The following LAMB3 variants were observed in gnomAD, a reference collection of about 807,000 sequenced individuals.
LAMB3 encodes laminin subunit beta-3.
A neutral mutation model predicts 140.3 loss-of-function variants in LAMB3; 104 were observed. The observed-to-expected ratio is 0.74, with a 90% CI of 0.63 to 0.87. The LOEUF (loss-of-function observed/expected upper bound fraction) is 0.87, where lower values mean the gene tolerates loss of function less well. Ranked by LOEUF, LAMB3 falls within the 40% of genes least tolerant of loss-of-function variation. The pLI is 0.00. For synonymous variants in LAMB3, 592 were observed against 602.9 expected (o/e 0.98, Z 0.26); for missense variants, 1,531 against 1,575.2 (o/e 0.97, Z 0.47).
At chr1:209,620,004 C>A (rs960664532) in intron 18 of LAMB3, among the ~76,000 whole-genome samples, 9 of 152,194 alleles carry the variant, frequency 5.9e-5, no homozygotes, top group Admixed American at 6.5e-5. Flanking sequence ...AACCCAGAGT[C>A]CCACTCTCAA....
chr1:209,647,874 T>C (rs1362046304), intron 3 of LAMB3, among the ~76,000 whole-genome samples: 2 of 152,246 alleles, frequency 1.3e-5, no homozygotes, highest in Non-Finnish European at 2.9e-5. Context: ...TATATAAAAC[T>C]CTTAATATGA....
intron 6 of LAMB3, among the ~76,000 whole-genome samples, chr1:209,634,232 G>A (rs1666805397): frequency 6.6e-6 from 1 of 152,102 alleles, no homozygotes; most frequent in African/African-American, 2.4e-5. Context: ...GTGGCCCCAA[G>A]GTGTTGCTGA....
At chr1:209,628,463 C>G (rs911246537) in intron 10 of LAMB3, among the ~76,000 whole-genome samples, 1 of 152,068 alleles carries the variant, frequency 6.6e-6, no homozygotes, top group Admixed American at 6.5e-5. Context: ...TTTGGGAGGC[C>G]GAGGCAGGTG....
At chr1:209,633,190 T>A (rs1057505407) in intron 6 of LAMB3, 57 bp from the exon 7 acceptor site, 18 of 1,290,574 alleles carry the variant, frequency 1.4e-5, no homozygotes, top group Non-Finnish European at 1.9e-5. Context: ...GTGCCCCGAG[T>A]TCAGAAGAAA....
chr1:209,618,142 C>T (rs1666050012), intron 19 of LAMB3, 94 bp from the exon 20 acceptor site: 2 of 1,498,624 alleles, frequency 1.3e-6, no homozygotes, highest in Non-Finnish European at 1.8e-6. Context: ...AAAAGAACAC[C>T]CTTCCCAGCC....
At chr1:209,646,033 AG>A (rs2076515050) in intron 3 of LAMB3, among the ~76,000 whole-genome samples, 1 of 152,226 alleles carries the variant, frequency 6.6e-6, no homozygotes, top group African/African-American at 2.4e-5. Context: ...TGTTTGGCTT[AG>A]ATAATTAACC....
At chr1:209,620,278 C>T (rs61822211) in intron 18 of LAMB3, among the ~76,000 whole-genome samples, 3 of 152,180 alleles carry the variant, frequency 2.0e-5, no homozygotes, top group African/African-American at 7.2e-5. Flanking sequence ...TAATGGGAGA[C>T]AGGCACATGA....
At chr1:209,627,036 T>A in intron 12 of LAMB3, 58 bp from the exon 13 acceptor site, 1 of 1,219,876 alleles carries the variant, frequency 8.2e-7, no homozygotes, top group Non-Finnish European at 1.2e-6. Context: ...CTTACCCTGG[T>A]GTCAGGGACT....
At chr1:209,631,747 T>C (rs1365867411) in intron 8 of LAMB3, among the ~76,000 whole-genome samples, 3 of 152,222 alleles carry the variant, frequency 2.0e-5, no homozygotes, top group Non-Finnish European at 2.9e-5. Context: ...GTATGTCTCA[T>C]GGGCCCTGAC....
intron 22 of LAMB3, among the ~76,000 whole-genome samples, chr1:209,615,969 C>A (rs1282375105): frequency 6.6e-6 from 1 of 152,114 alleles, no homozygotes; most frequent in African/African-American, 2.4e-5. Context: ...TATGTCAGAA[C>A]ATATCTTGTT....
Position 209,617,505 on chromosome 1 carries a change from C to A in LAMB3, c.3133G>T (p.Glu1045Ter), listed in dbSNP as rs1283230980. ...TGCTGCCGGGCTTGGTGGCGGAGCT[C>A]CTCCATCCGTGTCCAGAAGTCACCC... ...QLGDFWTRME[E>*]LRHQARQQGA... The change falls in exon 21 of 23, where the codon GAG becomes TAG. Residue 1045 changes from glutamate to a stop codon, truncating the protein, a stop_gained. Transcript: ENST00000356082. LOFTEE classifies it high-confidence loss of function. 1.2e-6 allele frequency: 2 copies of A among 1,613,982 alleles called. No homozygotes were observed. Among genetic ancestry groups the A allele is most frequent in the Non-Finnish European group, 8.5e-7 (1 of 1,180,054 alleles).
At position 209,627,506 on chromosome 1, in the gene LAMB3, C is replaced by A. The variant is rs1369535265; in HGVS notation, c.1362G>T (p.Leu454=). ...CDEESGRCLC[L]PNVVGPKCDQ... ...CACATTTGGGACCCACCACGTTGGG[C>A]AGACAAAGGCAGCGCCCACTCTCCT... Residue 454 remains leucine, a synonymous_variant, in exon 12 of 23, where the codon CTG becomes CTT. Transcript: ENST00000356082. The A allele has an allele frequency of 6.2e-7, 1 of 1,614,082 alleles. No individual in the cohort carries two copies. Among genetic ancestry groups the A allele is most frequent in the Admixed American group, 1.7e-5 (1 of 60,036 alleles).
intron 22 of LAMB3, 31 bp downstream of exon 22, chr1:209,616,440 A>G: frequency 6.2e-7 from 1 of 1,613,556 alleles, no homozygotes; most frequent in African/African-American, 1.3e-5. Flanking sequence ...ATGAATGCCC[A>G]ATAGTCCATG....
chr1:209,616,190 C>A (rs1665954843), intron 22 of LAMB3, among the ~76,000 whole-genome samples: 1 of 152,164 alleles, frequency 6.6e-6, no homozygotes, highest in Non-Finnish European at 1.5e-5. Flanking sequence ...TTCTATGCAT[C>A]TTAAGCATAA....
intron 8 of LAMB3, among the ~76,000 whole-genome samples, chr1:209,632,324 G>T (rs146159992): frequency 6.6e-6 from 1 of 152,294 alleles, no homozygotes; most frequent in Non-Finnish European, 1.5e-5. Context: ...AGAATCATTG[G>T]CTTAAACTCC....
chr1:209,638,588 C>T lies in LAMB3; in HGVS notation c.244G>A (p.Val82Ile). The T allele has an allele frequency of 1.2e-6, 2 of 1,614,150 alleles. No individual in the cohort carries two copies. The highest frequency in any genetic ancestry group is 1.3e-5 in the African/African-American group (1 of 75,038). Reference sequence around the variant, plus strand: ...CCGGAGGATGAAGCCACATTCTCTACTCGGTGACTGTAGTAGTTGTGAGGC... The same window carrying T: ...CCGGAGGATGAAGCCACATTCTCTATTCGGTGACTGTAGTAGTTGTGAGGC... ...RQPHNYYSHR[V>I]ENVASSSGPM... The change falls in exon 4 of 23, where the codon GTA becomes ATA. Residue 82 changes from valine to isoleucine, a missense_variant. Coordinates refer to ENST00000356082, the MANE Select transcript of LAMB3 (RefSeq NM_000228.3).
intron 1 of LAMB3, chr1:209,651,189 G>A: frequency 1.8e-6 from 1 of 559,832 alleles, no homozygotes; most frequent in Non-Finnish European, 3.2e-6. Flanking sequence ...GACTCACAGG[G>A]TGCCCTGGGA....
intron 11 of LAMB3, 116 bp from the exon 12 acceptor site, chr1:209,627,695 T>A: frequency 1.0e-6 from 1 of 976,776 alleles, no homozygotes. Flanking sequence ...GGCCCTTCCC[T>A]GCAGATGACA....
chr1:209,618,225 A>G (rs1011042434), intron 19 of LAMB3, among the ~76,000 whole-genome samples, 177 bp from the exon 20 acceptor site: 1 of 152,224 alleles, frequency 6.6e-6, no homozygotes, highest in African/African-American at 2.4e-5. Context: ...GACGTGATGA[A>G]TGTTCCCATT....
Sources: allele counts gnomAD v4.1 joint callset (sites outside exome capture counted in the v4.1 genomes callset), GRCh38; gene constraint gnomAD v4.1.1; transcripts MANE v1.5; gene names NCBI Gene and HGNC (gene_info 2026-07-23, HGNC 2026-07-21).